The following RBFOX1 variants were observed in gnomAD, a reference collection of about 807,000 sequenced individuals.
RBFOX1 encodes the protein RNA binding protein fox-1 homolog 1.
In RBFOX1, 8 loss-of-function variants were observed where a neutral mutation model predicts 57.7. The observed-to-expected ratio is 0.14, with a 90% CI of 0.08 to 0.25. The LOEUF is 0.25. Among genes scored for constraint, RBFOX1 ranks in the 10% least tolerant of loss-of-function variants. The pLI is 1.00. For synonymous variants in RBFOX1, 326 were observed against 222.4 expected, an observed-to-expected ratio of 1.47 and a Z score of -4.15; for missense variants, 611 against 548.5, an observed-to-expected ratio of 1.11 and a Z score of -1.14.
chr16:6,545,186 C>G (rs892744684), intron 2 of RBFOX1, among the ~76,000 whole-genome samples: 4 of 152,216 alleles, frequency 2.6e-5, no homozygotes, highest in African/African-American at 9.6e-5. Context: ...ATCTGGACTA[C>G]AAGCCTCCTA....
intron 3 of RBFOX1, among the ~76,000 whole-genome samples, chr16:6,747,374 T>A (rs906349649): frequency 2.0e-5 from 3 of 151,612 alleles, no homozygotes; most frequent in African/African-American, 7.3e-5. Flanking sequence ...CCCATTGCCC[T>A]CCAGACTGGG....
At position 5,842,772 on chromosome 16, in the gene RBFOX1, G is replaced by A. The variant is rs1207109841; in HGVS notation, c.319-24531G>A. On this transcript the variant is annotated intron_variant, in intron 3 of 19. Transcript: ENST00000641259. The stretch of plus-strand genomic sequence containing the variant: ...GGACTCCATTGACTGAACAGCTACT[G>A]TGTACCAATCGCTTTGACCACATTA... Among the ~76,000 whole-genome samples the A allele has an allele frequency of 2.0e-5, 3 of 152,064 alleles. No homozygotes were observed. The East Asian group carries it at 5.8e-4, about 29-fold the overall frequency.
intron 2 of RBFOX1, among the ~76,000 whole-genome samples, chr16:6,350,909 G>A (rs2086240035): frequency 6.6e-6 from 1 of 152,220 alleles, no homozygotes; most frequent in South Asian, 2.1e-4. Flanking sequence ...GCACTCTTCT[G>A]CCTCCCTTAG....
chr16:6,509,043 G>A (rs1310354430), intron 2 of RBFOX1, among the ~76,000 whole-genome samples: 1 of 152,050 alleles, frequency 6.6e-6, no homozygotes, highest in East Asian at 1.9e-4. Context: ...CCATACATTT[G>A]GATGAGATTT....
intron 2 of RBFOX1, among the ~76,000 whole-genome samples, chr16:6,566,485 T>C (rs1664660612): frequency 1.3e-5 from 2 of 152,236 alleles, no homozygotes; most frequent in Admixed American, 1.3e-4. Context: ...TTTCTTAATC[T>C]ACAGAGACTT....
At chr16:6,843,558 G>A (rs779041530) in intron 3 of RBFOX1, among the ~76,000 whole-genome samples, 23 of 151,942 alleles carry the variant, frequency 1.5e-4, no homozygotes, top group Non-Finnish European at 2.1e-4. Flanking sequence ...GCATGGTGGC[G>A]GGCACCTGTA....
chr16:6,952,209 G>A (rs1203814997), intron 3 of RBFOX1, among the ~76,000 whole-genome samples: 1 of 152,150 alleles, frequency 6.6e-6, no homozygotes, highest in East Asian at 1.9e-4. Context: ...TGCTATCACT[G>A]AGATGAAAGA....
chr16:6,258,131 T>G (rs537988043), intron 1 of RBFOX1, among the ~76,000 whole-genome samples: 1 of 152,292 alleles, frequency 6.6e-6, no homozygotes, highest in African/African-American at 2.4e-5. Flanking sequence ...TTGTAACGTT[T>G]TATTTATTTT....
chr16:6,330,385 C>G (rs182429095), intron 2 of RBFOX1, among the ~76,000 whole-genome samples: 1 of 152,288 alleles, frequency 6.6e-6, no homozygotes, highest in Admixed American at 6.5e-5. Flanking sequence ...CAGCAGCTCT[C>G]GTAGTACTGA....
At chr16:7,031,710 C>G (rs1338966803) in intron 3 of RBFOX1, among the ~76,000 whole-genome samples, 1 of 152,096 alleles carries the variant, frequency 6.6e-6, no homozygotes, top group South Asian at 2.1e-4. Flanking sequence ...TAAATGCTAC[C>G]TATTGTGATT....
intron 3 of RBFOX1, among the ~76,000 whole-genome samples, chr16:5,762,741 C>T (rs1025892988): frequency 2.0e-5 from 3 of 152,170 alleles, no homozygotes; most frequent in Admixed American, 6.5e-5. Flanking sequence ...GAATCCTTTG[C>T]AGCCATTAAA....
intron 13 of RBFOX1, among the ~76,000 whole-genome samples, chr16:7,675,150 C>A (rs1448090785): frequency 6.6e-6 from 1 of 152,184 alleles, no homozygotes; most frequent in Non-Finnish European, 1.5e-5. Context: ...CTGTATCTTT[C>A]TGTGAACTTT....
At chr16:6,198,297 GA>G (rs1488824950) in intron 1 of RBFOX1, among the ~76,000 whole-genome samples, 1 of 152,152 alleles carries the variant, frequency 6.6e-6, no homozygotes, top group Admixed American at 6.5e-5. Flanking sequence ...AGATAAAAAG[GA>G]GAAAGAATCA....
intron 3 of RBFOX1, among the ~76,000 whole-genome samples, chr16:6,816,704 C>T (rs1176690337): frequency 4.1e-5 from 6 of 147,890 alleles, no homozygotes; most frequent in African/African-American, 1.3e-4. Flanking sequence ...TGCACCACTG[C>T]ACTCCAGCCT....
At chr16:7,242,679 G>T (rs977990563) in intron 4 of RBFOX1, among the ~76,000 whole-genome samples, 10 of 152,190 alleles carry the variant, frequency 6.6e-5, no homozygotes, top group African/African-American at 2.2e-4. Flanking sequence ...TTCGTGATTT[G>T]CATCCATGTG....
chr16:5,973,892 A>G (rs1025200634), intron 4 of RBFOX1, among the ~76,000 whole-genome samples: 2 of 152,166 alleles, frequency 1.3e-5, no homozygotes, highest in African/African-American at 2.4e-5. Flanking sequence ...TTCACTTCGT[A>G]GGGCTCAGAA....
At chr16:5,557,741 G>C (rs1391020189) in intron 2 of RBFOX1, among the ~76,000 whole-genome samples, 1 of 152,174 alleles carries the variant, frequency 6.6e-6, no homozygotes, top group Non-Finnish European at 1.5e-5. Context: ...ACCCAGGTGG[G>C]GCAAAGGCCC....
At chr16:6,945,115 A>G (rs1002460078) in intron 3 of RBFOX1, among the ~76,000 whole-genome samples, 2 of 152,082 alleles carry the variant, frequency 1.3e-5, no homozygotes, top group Non-Finnish European at 2.9e-5. Context: ...TCCCTTTGCT[A>G]GGGTCACGCA....
intron 2 of RBFOX1, among the ~76,000 whole-genome samples, chr16:5,564,729 A>G (rs1297246931): frequency 6.6e-6 from 1 of 152,022 alleles, no homozygotes. Context: ...CTTATCTTTG[A>G]ACAGTATTTA....
Sources: allele counts gnomAD v4.1 joint callset (sites outside exome capture counted in the v4.1 genomes callset), GRCh38; gene constraint gnomAD v4.1.1; transcripts MANE v1.5; gene names NCBI Gene and HGNC (gene_info 2026-07-23, HGNC 2026-07-21).